Variants in RB1CC1 observed in about 807,000 individuals in gnomAD.
RB1CC1 encodes RB1 inducible coiled-coil 1, also known as RB1-inducible coiled-coil protein 1.
In RB1CC1, 46 loss-of-function variants were observed where a neutral mutation model predicts 177.5. The ratio of observed to expected loss-of-function variants is 0.26; its 90% CI spans 0.20 to 0.33. RB1CC1 has a LOEUF of 0.33. Ranked by LOEUF, RB1CC1 falls within the 10% of genes least tolerant of loss-of-function variation. The pLI, the probability that RB1CC1 is intolerant of heterozygous loss-of-function variation, is 1.00. For missense variants in RB1CC1, 1,703 were observed against 1,816.3 expected (o/e 0.94, Z 1.13); for synonymous variants, 666 against 613.6 (o/e 1.09, Z -1.26).
intron 1 of RB1CC1, among the ~76,000 whole-genome samples, chr8:52,700,358 T>C (rs1855936604): frequency 8.0e-6 from 1 of 125,300 alleles, no homozygotes; most frequent in South Asian, 2.7e-4. Flanking sequence ...ACTCCATATC[T>C]ACAAATATAC....
At chr8:52,671,825 G>T (rs1852629879) in intron 7 of RB1CC1, among the ~76,000 whole-genome samples, 2 of 151,824 alleles carry the variant, frequency 1.3e-5, no homozygotes, top group African/African-American at 4.8e-5. Flanking sequence ...TAGGTATTAA[G>T]CCCAGCATCC....
At chr8:52,703,532 A>G (rs1246115013) in intron 1 of RB1CC1, among the ~76,000 whole-genome samples, 1 of 152,116 alleles carries the variant, frequency 6.6e-6, no homozygotes, top group Non-Finnish European at 1.5e-5. Flanking sequence ...TCATGCCTCT[A>G]CTCATGTCAT....
chr8:52,700,893 T>C (rs1855986051), intron 1 of RB1CC1, among the ~76,000 whole-genome samples: 1 of 152,214 alleles, frequency 6.6e-6, no homozygotes, highest in Non-Finnish European at 1.5e-5. Flanking sequence ...CAACAACCAC[T>C]GCAGGCATGA....
intron 22 of RB1CC1, among the ~76,000 whole-genome samples, chr8:52,626,046 G>C (rs902538351): frequency 3.3e-5 from 5 of 152,146 alleles, no homozygotes; most frequent in African/African-American, 1.2e-4. Context: ...ATTCTCTGAA[G>C]AGCAAACTAG....
intron 8 of RB1CC1, 96 bp downstream of exon 8, chr8:52,667,925 T>C: frequency 2.5e-6 from 3 of 1,209,392 alleles, no homozygotes; most frequent in Non-Finnish European, 3.4e-6. Flanking sequence ...AAGGAAAAAG[T>C]GAAAATATGG....
At position 52,622,507 on chromosome 8, in the gene RB1CC1, T is replaced by TAC. The variant is rs1848128198; in HGVS notation, c.*1273_*1274dup. ...TTAACTTGTCAAATTCAGTTTTCTA[T>TAC]ACACTATGATGTTTATTCCATTTTG... On this transcript the variant is annotated 3_prime_UTR_variant, in exon 24 of 24. Coordinates refer to ENST00000025008, the MANE Select transcript of RB1CC1 (RefSeq NM_014781.5). The TAC allele has an allele frequency of 6.6e-6, 1 of 151,850 alleles. No individual in the cohort carries two copies. The allele number at this position is 151,850 out of a possible 1,614,324, so 9.4% of individuals were successfully genotyped here. A position where few individuals can be genotyped will look rare whatever the true frequency, so the allele number is the denominator to read the frequency against.
chr8:52,710,929 T>G (rs1424214132), intron 1 of RB1CC1, among the ~76,000 whole-genome samples: 1 of 152,160 alleles, frequency 6.6e-6, no homozygotes, highest in East Asian at 1.9e-4. Flanking sequence ...TCAACAGGTA[T>G]GCTGGACAGT....
At chr8:52,679,680 TTCTAAATTGA>T (rs1290207560) in intron 5 of RB1CC1, among the ~76,000 whole-genome samples, 1 of 152,132 alleles carries the variant, frequency 6.6e-6, no homozygotes, top group Non-Finnish European at 1.5e-5. Flanking sequence ...AAAATAAATT[TTCTAAATTGA>T]TTGTGACCTG....
intron 20 of RB1CC1, among the ~76,000 whole-genome samples, chr8:52,634,495 T>A (rs1374678756): frequency 6.6e-6 from 1 of 151,534 alleles, no homozygotes; most frequent in African/African-American, 2.4e-5. Context: ...CACTCCAGCC[T>A]AAGCTACAGA....
intron 12 of RB1CC1, 104 bp downstream of exon 12, chr8:52,660,492 T>G (rs142242843): frequency 8.9e-7 from 1 of 1,118,760 alleles, no homozygotes; most frequent in Non-Finnish European, 1.3e-6. Context: ...TGATTTTTTT[T>G]AAACCACAAC....
At chr8:52,661,950 G>A (rs1851673778) in intron 8 of RB1CC1, among the ~76,000 whole-genome samples, 1 of 151,840 alleles carries the variant, frequency 6.6e-6, no homozygotes, top group Non-Finnish European at 1.5e-5. Context: ...GAAAATAAAG[G>A]CTAGAAAGAT....
chr8:52,641,405 T>A (rs1387016246), intron 18 of RB1CC1, among the ~76,000 whole-genome samples: 48 of 126,076 alleles, frequency 3.8e-4, no homozygotes, highest in Non-Finnish European at 5.0e-4. Context: ...AAAAAAAAAA[T>A]TAAAATAAAA....
intron 8 of RB1CC1, among the ~76,000 whole-genome samples, chr8:52,662,759 GGAA>G (rs2150507830): frequency 6.6e-6 from 1 of 152,094 alleles, no homozygotes; most frequent in East Asian, 1.9e-4. Context: ...ATATCTGAAA[GGAA>G]GACAATTTTC....
chr8:52,642,296 T>A, intron 18 of RB1CC1, 55 bp downstream of exon 18: 1 of 1,571,986 alleles, frequency 6.4e-7, no homozygotes, highest in East Asian at 2.3e-5. Flanking sequence ...TTCAGAGCTT[T>A]ATAACTCATG....
chr8:52,710,601 A>G (rs1307735047), intron 1 of RB1CC1, among the ~76,000 whole-genome samples: 1 of 152,168 alleles, frequency 6.6e-6, no homozygotes, highest in African/African-American at 2.4e-5. Context: ...TGCATTACAC[A>G]TTTTGGTGTC....
intron 5 of RB1CC1, among the ~76,000 whole-genome samples, chr8:52,681,166 A>T (rs1853683903): frequency 6.8e-6 from 1 of 147,800 alleles, no homozygotes; most frequent in African/African-American, 2.5e-5. Context: ...TAATTTTTGC[A>T]TTTTTTTTTT....
chr8:52,663,833 G>A (rs1215257177), intron 8 of RB1CC1, among the ~76,000 whole-genome samples: 1 of 152,128 alleles, frequency 6.6e-6, no homozygotes, highest in Non-Finnish European at 1.5e-5. Context: ...GTATTGATGT[G>A]TTCCTACTAT....
Position 52,685,528 on chromosome 8 carries a change from AAAC to A in RB1CC1, c.-51-11_-51-9del. 3 of 1,071,714 alleles carry A rather than the reference AAAC, an allele frequency of 2.8e-6. No homozygotes were observed. Among genetic ancestry groups the A allele is most frequent in the South Asian group, 1.4e-5 (1 of 73,006 alleles). The allele number at this position is 1,071,714 out of a possible 1,614,324, so 66.4% of individuals were successfully genotyped here. ...CACCCTCTGATACAGTTACTAGAAG[AAAC>A]AAGAGAAGTGATCAATTTTACAAAT... On this transcript the variant is annotated splice_polypyrimidine_tract_variant and intron_variant, in intron 2 of 23. Transcript: ENST00000025008.
intron 1 of RB1CC1, among the ~76,000 whole-genome samples, chr8:52,691,714 T>G (rs180749746): frequency 6.6e-6 from 1 of 152,194 alleles, no homozygotes; most frequent in Non-Finnish European, 1.5e-5. Context: ...ATTTTCACTC[T>G]CTACATCCTC....
Sources: gnomAD v4.1 joint callset for allele counts (sites outside exome capture counted in the v4.1 genomes callset) on GRCh38, gnomAD v4.1.1 for gene constraint, MANE v1.5 for transcripts, NCBI Gene and HGNC (gene_info 2026-07-23, HGNC 2026-07-21) for gene names.